COL27A1: variants seen among roughly 807,000 people sequenced by gnomAD.
The protein encoded by COL27A1 is collagen type XXVII alpha 1 chain.
A neutral mutation model predicts 251.3 loss-of-function variants in COL27A1; 106 were observed. The observed-to-expected ratio is 0.42, with a 90% confidence interval of 0.36 to 0.50. The LOEUF (loss-of-function observed/expected upper bound fraction) is 0.50, where lower values mean the gene tolerates loss of function less well. COL27A1 is among the 20% of genes least tolerant of loss of function. The pLI is 0.00. For missense variants in COL27A1, 2,325 were observed against 2,522.8 expected, an observed-to-expected ratio of 0.92 and a Z score of 1.68; for synonymous variants, 1,000 against 986.3, an observed-to-expected ratio of 1.01 and a Z score of -0.26.
At chr9:114,215,136 C>A (rs1257952787) in intron 12 of COL27A1, among the ~76,000 whole-genome samples, 1 of 152,216 alleles carries the variant, frequency 6.6e-6, no homozygotes, top group East Asian at 1.9e-4. Flanking sequence ...GCTGGAAGGG[C>A]CCAGCCCTGG....
intron 3 of COL27A1, among the ~76,000 whole-genome samples, chr9:114,173,708 G>C (rs1305501409): frequency 6.6e-6 from 1 of 152,006 alleles, no homozygotes; most frequent in Non-Finnish European, 1.5e-5. Context: ...GCGGGGGTCG[G>C]GGGGAGGGGA....
At chr9:114,223,753 C>T (rs1479261482) in intron 14 of COL27A1, among the ~76,000 whole-genome samples, 1 of 152,154 alleles carries the variant, frequency 6.6e-6, no homozygotes, top group African/African-American at 2.4e-5. Flanking sequence ...CACCCTATGC[C>T]TCGGTTTCTT....
At chr9:114,259,573 C>G (rs1274775720) in intron 28 of COL27A1, among the ~76,000 whole-genome samples, 1 of 152,182 alleles carries the variant, frequency 6.6e-6, no homozygotes, top group African/African-American at 2.4e-5. Context: ...AGCCTCCACT[C>G]CACTCCCAGA....
At chr9:114,307,816 G>A (rs1364840046) in intron 59 of COL27A1, 38 bp downstream of exon 59, 3 of 1,491,486 alleles carry the variant, frequency 2.0e-6, no homozygotes, top group South Asian at 2.3e-5. Context: ...CAGGCTGTCT[G>A]CCTCTATCCC....
intron 56 of COL27A1, among the ~76,000 whole-genome samples, chr9:114,302,400 T>C (rs951206677): frequency 1.3e-5 from 2 of 152,154 alleles, no homozygotes; most frequent in Non-Finnish European, 2.9e-5. Flanking sequence ...GTGGGCTGAT[T>C]GCAAGGGTCT....
chr9:114,285,735 G>A (rs1026593586), intron 41 of COL27A1, among the ~76,000 whole-genome samples: 5 of 152,194 alleles, frequency 3.3e-5, no homozygotes, highest in East Asian at 1.9e-4. Flanking sequence ...TCAGTACCCC[G>A]GGTCCCTCCT....
chr9:114,301,938 C>T, intron 55 of COL27A1, 144 bp from the exon 56 acceptor site: 12 of 973,916 alleles, frequency 1.2e-5, no homozygotes, highest in Admixed American at 1.9e-5. Context: ...GACCAGCCCA[C>T]TGGGGCCCAC....
At chr9:114,206,817 CCT>C (rs1283348754) in intron 10 of COL27A1, among the ~76,000 whole-genome samples, 3 of 152,184 alleles carry the variant, frequency 2.0e-5, no homozygotes, top group African/African-American at 7.2e-5. Context: ...CAGTTGCCTA[CCT>C]CTACAATGGT....
chr9:114,295,281 G>A (rs1485825383), intron 49 of COL27A1, among the ~76,000 whole-genome samples: 1 of 152,234 alleles, frequency 6.6e-6, no homozygotes, highest in Admixed American at 6.5e-5. Context: ...ACTGGTAAGA[G>A]AAATTGAGGA....
intron 2 of COL27A1, among the ~76,000 whole-genome samples, chr9:114,163,790 C>G (rs1384650992): frequency 6.6e-6 from 1 of 151,916 alleles, no homozygotes; most frequent in Non-Finnish European, 1.5e-5. Context: ...GTCATATTTT[C>G]CAAGCTTGCT....
chr9:114,279,373 C>T (rs1481974027), intron 37 of COL27A1, among the ~76,000 whole-genome samples: 5 of 152,212 alleles, frequency 3.3e-5, no homozygotes, highest in African/African-American at 1.2e-4. Flanking sequence ...GAACACAGCA[C>T]ATGGCCCGTG....
At chr9:114,301,866 C>G in intron 55 of COL27A1, 149 bp downstream of exon 55, 1 of 931,692 alleles carries the variant, frequency 1.1e-6, no homozygotes, top group Non-Finnish European at 1.6e-6. Context: ...AGGGCATCCC[C>G]CGAACATTCA....
chr9:114,282,357 G>A, intron 38 of COL27A1, 27 bp downstream of exon 38: 2 of 1,613,698 alleles, frequency 1.2e-6, no homozygotes, highest in Non-Finnish European at 1.7e-6. Flanking sequence ...GACTTGATAG[G>A]CCTGCGTCCC....
chr9:114,238,828 C>T (rs141011906), intron 19 of COL27A1, among the ~76,000 whole-genome samples: 1 of 152,122 alleles, frequency 6.6e-6, no homozygotes, highest in Non-Finnish European at 1.5e-5. Context: ...GCAGTGTCCT[C>T]GAGATGAGAA....
chr9:114,221,728 G>T lies in COL27A1; in HGVS notation c.2422-495G>T, dbSNP rs376558368. ...CTGGAAGAAGGAAATGTGAGGGTGT[G>T]GGGTGCTGGGGAGGATTCTCCAAGG... On this transcript the variant is annotated intron_variant, in intron 13 of 60. Coordinates refer to ENST00000356083, the MANE Select transcript of COL27A1 (RefSeq NM_032888.4). Among the ~76,000 whole-genome samples, 5 of 152,308 alleles carry T rather than the reference G, an allele frequency of 3.3e-5. No homozygotes were observed. In the South Asian group the frequency reaches 1.0e-3, roughly 32 times the overall value.
chr9:114,161,644 A>T (rs1848499250), intron 1 of COL27A1, among the ~76,000 whole-genome samples: 1 of 152,176 alleles, frequency 6.6e-6, no homozygotes, highest in Non-Finnish European at 1.5e-5. Context: ...TCCCAGCCTT[A>T]GCCCTCACCA....
chr9:114,215,780 A>G (rs1830675058), intron 12 of COL27A1, among the ~76,000 whole-genome samples: 1 of 152,316 alleles, frequency 6.6e-6, no homozygotes, highest in African/African-American at 2.4e-5. Flanking sequence ...CACTCTTGAT[A>G]TAAACCCTAA....
chr9:114,265,275 T>A (rs550089612), intron 31 of COL27A1, 147 bp from the exon 32 acceptor site: 300 of 1,057,108 alleles, frequency 2.8e-4, no homozygotes, highest in Non-Finnish European at 4.0e-4. Context: ...CTCCAGCACA[T>A]CCTCTCTTCT....
At chr9:114,278,665 A>G (rs1388978856) in intron 37 of COL27A1, among the ~76,000 whole-genome samples, 1 of 150,414 alleles carries the variant, frequency 6.6e-6, no homozygotes, top group Non-Finnish European at 1.5e-5. Context: ...TGATGATGAT[A>G]GTAGTGGTGT....
Sources: allele counts gnomAD v4.1 joint callset (sites outside exome capture counted in the v4.1 genomes callset), GRCh38; gene constraint gnomAD v4.1.1; transcripts MANE v1.5; gene names NCBI Gene and HGNC (gene_info 2026-07-23, HGNC 2026-07-21).